The following CNTN5 variants were observed in gnomAD, a reference collection of about 807,000 sequenced individuals.
CNTN5 encodes contactin 5.
Under a neutral mutation model 129.1 loss-of-function variants are expected in CNTN5, and 77 were observed. That is an observed-to-expected ratio of 0.60 (90% confidence interval 0.50 to 0.72). CNTN5 has a LOEUF of 0.72. CNTN5 is among the 30% of genes least tolerant of loss of function. The pLI is 0.00. For missense variants in CNTN5, 1,478 were observed against 1,328.8 expected (o/e 1.11, Z -1.75); for synonymous variants, 509 against 465.6 (o/e 1.09, Z -1.20).
chr11:100,124,894 TAAGCC>T lies in CNTN5; in HGVS notation c.1580+50603_1580+50607del, dbSNP rs1461439664. ...TGTAAATAAAATAGTTCTTATGCTT[TAAGCC>T]AATGGTTCTCAAACTTTAGTATGCA... On this transcript the variant is annotated intron_variant, in intron 13 of 24. Transcript: ENST00000524871. 3.3e-5 allele frequency among the ~76,000 whole-genome samples: 5 copies of T among 152,248 alleles called. No homozygotes were observed. In the South Asian group the frequency reaches 1.0e-3, roughly 32 times the overall value.
At chr11:99,938,407 G>C (rs968472526) in intron 7 of CNTN5, among the ~76,000 whole-genome samples, 1 of 152,014 alleles carries the variant, frequency 6.6e-6, no homozygotes, top group Non-Finnish European at 1.5e-5. Flanking sequence ...ATATACATAG[G>C]TACTAAAACG....
At chr11:99,330,802 A>C (rs2851134) in intron 2 of CNTN5, among the ~76,000 whole-genome samples, 1 of 151,884 alleles carries the variant, frequency 6.6e-6, no homozygotes, top group Admixed American at 6.6e-5. Context: ...CTTTCCTGTC[A>C]TTTGTTTCTT....
At chr11:99,940,434 A>G (rs1183698878) in intron 7 of CNTN5, among the ~76,000 whole-genome samples, 2 of 152,166 alleles carry the variant, frequency 1.3e-5, no homozygotes, top group Non-Finnish European at 1.5e-5. Context: ...GGAGTATAGT[A>G]TTTCAAAGTT....
chr11:99,664,344 G>A (rs908537519), intron 3 of CNTN5, among the ~76,000 whole-genome samples: 2 of 152,054 alleles, frequency 1.3e-5, no homozygotes, highest in African/African-American at 2.4e-5. Flanking sequence ...CCACTGTGCC[G>A]GGTATCCAGC....
At chr11:99,660,694 G>A (rs1351932061) in intron 3 of CNTN5, among the ~76,000 whole-genome samples, 1 of 152,008 alleles carries the variant, frequency 6.6e-6, no homozygotes, top group Non-Finnish European at 1.5e-5. Context: ...TACGCTAGAG[G>A]AGCTGTGTAA....
At chr11:99,793,544 C>A (rs1057100105) in intron 3 of CNTN5, among the ~76,000 whole-genome samples, 1 of 152,052 alleles carries the variant, frequency 6.6e-6, no homozygotes, top group Admixed American at 6.5e-5. Context: ...CTAAATTTTT[C>A]AGGGATGTGT....
chr11:100,193,750 T>TA, intron 15 of CNTN5, 87 bp downstream of exon 15: 19 of 1,071,432 alleles, frequency 1.8e-5, no homozygotes, highest in Admixed American at 1.5e-4. Flanking sequence ...TATGAAGTGC[T>TA]AAGAAAAAAA....
intron 2 of CNTN5, among the ~76,000 whole-genome samples, chr11:99,362,052 T>C (rs531788354): frequency 3.9e-5 from 6 of 152,290 alleles, no homozygotes; most frequent in Non-Finnish European, 8.8e-5. Context: ...CTGTTTCCCA[T>C]AGTGGCTGTG....
At chr11:100,007,724 C>G (rs185578813) in intron 9 of CNTN5, among the ~76,000 whole-genome samples, 1 of 152,094 alleles carries the variant, frequency 6.6e-6, no homozygotes, top group East Asian at 1.9e-4. Context: ...CAGCAATAAG[C>G]CTGTTTTGCT....
chr11:99,818,942 A>G (rs879361560), intron 3 of CNTN5, among the ~76,000 whole-genome samples: 1 of 152,072 alleles, frequency 6.6e-6, no homozygotes, highest in African/African-American at 2.4e-5. Flanking sequence ...GAATTTGACT[A>G]CTTTTCAAGA....
intron 21 of CNTN5, among the ~76,000 whole-genome samples, chr11:100,312,775 C>T (rs2138935250): frequency 6.6e-6 from 1 of 152,166 alleles, no homozygotes; most frequent in African/African-American, 2.4e-5. Flanking sequence ...ACTACAAAAG[C>T]ATTAACTATG....
At chr11:100,187,386 C>T (rs544775814) in intron 13 of CNTN5, among the ~76,000 whole-genome samples, 5 of 148,758 alleles carry the variant, frequency 3.4e-5, no homozygotes, top group Admixed American at 2.0e-4. Context: ...TACAATTCAA[C>T]GCTATTCCTA....
chr11:99,193,799 A>C (rs569309783), intron 1 of CNTN5, among the ~76,000 whole-genome samples: 1 of 152,288 alleles, frequency 6.6e-6, no homozygotes, highest in East Asian at 1.9e-4. Flanking sequence ...CTATGGCATC[A>C]AACTACCCTT....
intron 1 of CNTN5, among the ~76,000 whole-genome samples, chr11:99,277,249 G>C (rs1232972336): frequency 6.6e-6 from 1 of 151,592 alleles, no homozygotes; most frequent in Admixed American, 6.6e-5. Flanking sequence ...TAACCAGTTG[G>C]TTTTTCTCTA....
chr11:99,680,068 G>T (rs1295537081), intron 3 of CNTN5, among the ~76,000 whole-genome samples: 4 of 152,092 alleles, frequency 2.6e-5, no homozygotes, highest in Non-Finnish European at 4.4e-5. Flanking sequence ...CCTAGCAAAA[G>T]TTGATTCATA....
intron 2 of CNTN5, among the ~76,000 whole-genome samples, chr11:99,395,345 G>A (rs1488771331): frequency 6.6e-6 from 1 of 151,874 alleles, no homozygotes; most frequent in African/African-American, 2.4e-5. Flanking sequence ...CTTCTTTTGA[G>A]AAGTGCCTGT....
intron 3 of CNTN5, among the ~76,000 whole-genome samples, chr11:99,685,139 A>G (rs1565425233): frequency 1.3e-5 from 2 of 151,366 alleles, no homozygotes; most frequent in Non-Finnish European, 3.0e-5. Context: ...CATTTTCATT[A>G]TAATTTTTTC....
chr11:99,980,454 G>A (rs116268593), intron 8 of CNTN5, among the ~76,000 whole-genome samples: 1,620 of 152,216 alleles, frequency 0.011, 35 homozygotes, highest in African/African-American at 0.037. Context: ...TGTGTAACCG[G>A]TGTATTAGCA....
chr11:99,797,721 C>A (rs1030283228), intron 3 of CNTN5, among the ~76,000 whole-genome samples: 1 of 152,050 alleles, frequency 6.6e-6, no homozygotes, highest in East Asian at 1.9e-4. Flanking sequence ...TTCTCCCGTT[C>A]TGCAGGTTGT....
Sources: allele counts gnomAD v4.1 joint callset (sites outside exome capture counted in the v4.1 genomes callset), GRCh38; gene constraint gnomAD v4.1.1; transcripts MANE v1.5; gene names NCBI Gene and HGNC (gene_info 2026-07-23, HGNC 2026-07-21).